The following EYS variants were observed in gnomAD, a reference collection of about 807,000 sequenced individuals.
EYS encodes EGF-like photoreceptor maintenance factor.
A neutral mutation model predicts 282.1 loss-of-function variants in EYS; 250 were observed. The observed-to-expected ratio is 0.89, with a 90% CI of 0.80 to 0.98. EYS has a LOEUF of 0.98. Among genes scored for constraint, EYS ranks in the 50% least tolerant of loss-of-function variants. EYS has a pLI of 0.00. For missense variants in EYS, 4,016 were observed against 3,709.0 expected (o/e 1.08, Z -2.15); for synonymous variants, 1,355 against 1,282.9 (o/e 1.06, Z -1.20).
At chr6:64,554,943 G>C (rs1765192658) in intron 26 of EYS, among the ~76,000 whole-genome samples, 1 of 151,776 alleles carries the variant, frequency 6.6e-6, no homozygotes, top group Non-Finnish European at 1.5e-5. Flanking sequence ...ACAATTATAG[G>C]CATTATAAAA....
chr6:65,274,077 T>TC (rs1767976372), intron 12 of EYS, among the ~76,000 whole-genome samples: 1 of 151,934 alleles, frequency 6.6e-6, no homozygotes, highest in African/African-American at 2.4e-5. Flanking sequence ...GCCCAGTGAG[T>TC]CCCCAGACAC....
chr6:63,826,648 T>G (rs753506464), intron 36 of EYS, among the ~76,000 whole-genome samples: 1 of 151,984 alleles, frequency 6.6e-6, no homozygotes, highest in Non-Finnish European at 1.5e-5. Context: ...AAACTAAGCA[T>G]CATATGTGAA....
intron 19 of EYS, among the ~76,000 whole-genome samples, chr6:64,868,701 G>C (rs141303432): frequency 1.1e-3 from 169 of 151,480 alleles, no homozygotes; most frequent in Middle Eastern, 0.01. Context: ...TCAAAGATGG[G>C]GGAGAATACT....
chr6:65,037,414 C>T (rs187775870), intron 13 of EYS, among the ~76,000 whole-genome samples: 1 of 151,832 alleles, frequency 6.6e-6, no homozygotes, highest in East Asian at 1.9e-4. Flanking sequence ...ACCTCCATGA[C>T]ACACAATTTT....
intron 33 of EYS, among the ~76,000 whole-genome samples, chr6:64,031,693 ACT>A (rs1321497556): frequency 6.6e-6 from 1 of 151,910 alleles, no homozygotes; most frequent in Non-Finnish European, 1.5e-5. Flanking sequence ...TCCAATTGAC[ACT>A]CTGTTATCTA....
At chr6:64,968,327 T>G (rs1770169938) in intron 14 of EYS, among the ~76,000 whole-genome samples, 1 of 152,200 alleles carries the variant, frequency 6.6e-6, no homozygotes, top group Admixed American at 6.5e-5. Context: ...TCCACTGCCT[T>G]GAAAACTATG....
At chr6:65,274,653 C>G (rs545387950) in intron 12 of EYS, among the ~76,000 whole-genome samples, 1 of 152,102 alleles carries the variant, frequency 6.6e-6, no homozygotes, top group Admixed American at 6.6e-5. Flanking sequence ...TCTTTATTAC[C>G]TTTACTTTCT....
intron 26 of EYS, among the ~76,000 whole-genome samples, chr6:64,507,826 T>C (rs1777260804): frequency 6.6e-6 from 1 of 152,198 alleles, no homozygotes; most frequent in African/African-American, 2.4e-5. Context: ...AAGCTCTCTT[T>C]GTTTAGTTTT....
Position 65,343,907 on chromosome 6 carries a change from T to C in EYS, c.1599+131A>G, listed in dbSNP as rs896477606. The C allele has an allele frequency of 3.3e-5, 25 of 767,960 alleles. No homozygotes were observed. The African/African-American group carries it at 4.3e-4, about 13-fold the overall frequency. 47.6% of individuals were successfully genotyped at this position (767,960 alleles called of 1,614,324 possible). A position where few individuals can be genotyped will look rare whatever the true frequency, so the allele number is the denominator to read the frequency against. On this transcript the variant is annotated intron_variant, in intron 10 of 42. Coordinates refer to ENST00000503581, the MANE Select transcript of EYS (RefSeq NM_001142800.2). ...TGTTGAGAATTTGTTTACGAAGTTA[T>C]ATTTAAACTATGCAAACTATATATT...
intron 2 of EYS, among the ~76,000 whole-genome samples, chr6:65,618,902 A>G (rs1766341044): frequency 6.6e-6 from 1 of 152,042 alleles, no homozygotes; most frequent in African/African-American, 2.4e-5. Flanking sequence ...GTTCTGTTCC[A>G]TTGATCTATA....
intron 42 of EYS, among the ~76,000 whole-genome samples, chr6:63,724,512 A>G (rs1329736855): frequency 6.6e-6 from 1 of 152,162 alleles, no homozygotes; most frequent in Admixed American, 6.5e-5. Context: ...GATTATAACT[A>G]TATCAGATGA....
intron 12 of EYS, among the ~76,000 whole-genome samples, chr6:65,150,837 G>T (rs1321932): frequency 0.38 from 56,993 of 151,572 alleles, 11,850 homozygotes; most frequent in African/African-American, 0.56. Flanking sequence ...AATACTTATT[G>T]ATTATTACCA....
chr6:63,743,507 G>A (rs1216690494), intron 41 of EYS, among the ~76,000 whole-genome samples: 3 of 152,132 alleles, frequency 2.0e-5, no homozygotes, highest in Non-Finnish European at 4.4e-5. Flanking sequence ...AGTTTCCTAG[G>A]AGATTACTCA....
intron 33 of EYS, among the ~76,000 whole-genome samples, chr6:64,005,843 C>G (rs9344655): frequency 0.27 from 41,243 of 151,990 alleles, 6,303 homozygotes; most frequent in Middle Eastern, 0.37. Context: ...TTTTTTTGTA[C>G]AAGTACCATG....
intron 5 of EYS, among the ~76,000 whole-genome samples, chr6:65,413,572 A>T (rs1015247836): frequency 1.3e-5 from 2 of 152,034 alleles, no homozygotes; most frequent in Non-Finnish European, 2.9e-5. Flanking sequence ...GTTTAAGAGC[A>T]AAGTGGGCCA....
intron 36 of EYS, among the ~76,000 whole-genome samples, chr6:63,858,518 G>A (rs1056253356): frequency 2.0e-5 from 3 of 152,228 alleles, no homozygotes; most frequent in Admixed American, 6.5e-5. Context: ...CCCTGAGCAA[G>A]AGGAAAGGCA....
intron 41 of EYS, among the ~76,000 whole-genome samples, chr6:63,750,556 T>C (rs1436474133): frequency 1.3e-5 from 2 of 152,184 alleles, no homozygotes; most frequent in African/African-American, 2.4e-5. Context: ...CTGTCAGCAC[T>C]CTGAGTCAGG....
In EYS at chr6:65,005,333, G is replaced by T. The variant is rs140687143; in HGVS notation, c.2138-7630C>A. On this transcript the variant is annotated intron_variant, in intron 13 of 42. Coordinates refer to ENST00000503581, the MANE Select transcript of EYS (RefSeq NM_001142800.2). ...CCACGGTTCTCTTCCATGACCCACG[G>T]CTTCTAATAGAGCTATAACACTTAC... Among the ~76,000 whole-genome samples the T allele has an allele frequency of 2.0e-3, 296 of 147,764 alleles. 36 individuals are homozygous for T. The highest frequency in any genetic ancestry group is 3.6e-3 in the Non-Finnish European group (237 of 65,868).
chr6:63,914,388 A>G (rs184109191), intron 35 of EYS, among the ~76,000 whole-genome samples: 210 of 152,320 alleles, frequency 1.4e-3, no homozygotes, highest in Middle Eastern at 0.01. Context: ...AAGGGAATTT[A>G]AAAAATCCAT....
Sources: gnomAD v4.1 joint callset for allele counts (sites outside exome capture counted in the v4.1 genomes callset) on GRCh38, gnomAD v4.1.1 for gene constraint, MANE v1.5 for transcripts, NCBI Gene and HGNC (gene_info 2026-07-23, HGNC 2026-07-21) for gene names.